Variants in SLC4A10 observed in about 807,000 individuals in gnomAD.
The protein encoded by SLC4A10 is solute carrier family 4 member 10, also known as sodium-driven chloride bicarbonate exchanger.
Under a neutral mutation model 137.7 loss-of-function variants are expected in SLC4A10, and 42 were observed. The ratio of observed to expected loss-of-function variants is 0.30; its 90% CI spans 0.24 to 0.39. The LOEUF (loss-of-function observed/expected upper bound fraction) is 0.39, where lower values mean the gene tolerates loss of function less well. Among genes scored for constraint, SLC4A10 ranks in the 10% least tolerant of loss-of-function variants. The pLI is 1.00. For missense variants in SLC4A10, 925 were observed against 1,355.0 expected (o/e 0.68, Z 4.98); for synonymous variants, 474 against 464.1 (o/e 1.02, Z -0.27).
At chr2:161,690,416 C>T (rs2041861392) in intron 1 of SLC4A10, among the ~76,000 whole-genome samples, 2 of 152,208 alleles carry the variant, frequency 1.3e-5, no homozygotes, top group Non-Finnish European at 2.9e-5. Context: ...ACCAGAAATG[C>T]CATTTGACCC....
In SLC4A10 at chr2:161,947,604, C is replaced by T; in HGVS notation, c.2142C>T (p.Ala714=). The T allele has an allele frequency of 6.2e-7, 1 of 1,613,164 alleles. No individual in the cohort carries two copies. The highest frequency in any genetic ancestry group is 1.1e-5 in the South Asian group (1 of 91,048). Residue 714 remains alanine, a synonymous_variant, in exon 17 of 27, where the codon GCC becomes GCT. Coordinates refer to ENST00000446997, the MANE Select transcript of SLC4A10 (RefSeq NM_001178015.2). ...TGCATGGAGAGTATGTTGGACGGGCCTGTGGCCATGATCACCCATATGTTC... is the reference window on the plus strand; with the variant it reads ...TGCATGGAGAGTATGTTGGACGGGCTTGTGGCCATGATCACCCATATGTTC... ...KSLHGEYVGR[A]CGHDHPYVPD...
At position 161,837,155 on chromosome 2, in the gene SLC4A10, A is replaced by G. The variant is rs538121024; in HGVS notation, c.278-2634A>G. ...TAAATAGAGAAAGAGCTTGGAAAGGAAAAAATAAAATGGTTCATATTCACA... is the reference window on the plus strand; with the variant it reads ...TAAATAGAGAAAGAGCTTGGAAAGGGAAAAATAAAATGGTTCATATTCACA... On this transcript the variant is annotated intron_variant, in intron 3 of 26. Transcript: ENST00000446997. 2.6e-5 allele frequency among the ~76,000 whole-genome samples: 4 copies of G among 152,312 alleles called. No individual in the cohort carries two copies. The East Asian group carries it at 7.7e-4, about 29-fold the overall frequency.
intron 2 of SLC4A10, among the ~76,000 whole-genome samples, chr2:161,790,907 C>A (rs1167698890): frequency 6.6e-6 from 1 of 151,994 alleles, no homozygotes; most frequent in Admixed American, 6.6e-5. Flanking sequence ...CAAATCAAAA[C>A]CTCAATAAGA....
intron 7 of SLC4A10, among the ~76,000 whole-genome samples, chr2:161,873,289 C>A (rs951864240): frequency 6.6e-6 from 1 of 151,964 alleles, no homozygotes; most frequent in Non-Finnish European, 1.5e-5. Flanking sequence ...GAGTCAGTGA[C>A]AATGATGTGA....
intron 5 of SLC4A10, among the ~76,000 whole-genome samples, chr2:161,855,786 A>G (rs1023267032): frequency 1.3e-5 from 2 of 152,126 alleles, no homozygotes; most frequent in African/African-American, 4.8e-5. Context: ...TAATACAAAA[A>G]GACAGAAATG....
chr2:161,947,518 T>G, intron 16 of SLC4A10, 48 bp from the exon 17 acceptor site: 2 of 1,575,130 alleles, frequency 1.3e-6, no homozygotes, highest in South Asian at 2.3e-5. Flanking sequence ...GCAAGAAATG[T>G]GTCCGGTTTT....
intron 15 of SLC4A10, among the ~76,000 whole-genome samples, chr2:161,917,832 G>A (rs1465056270): frequency 2.0e-5 from 3 of 152,138 alleles, no homozygotes; most frequent in African/African-American, 7.2e-5. Flanking sequence ...ACAGTGCCCA[G>A]ATCAATTCCT....
At chr2:161,678,060 T>C (rs1574291545) in intron 1 of SLC4A10, among the ~76,000 whole-genome samples, 1 of 152,140 alleles carries the variant, frequency 6.6e-6, no homozygotes, top group Admixed American at 6.6e-5. Flanking sequence ...TTTTCTTGCT[T>C]TTATCTTTTT....
chr2:161,973,629 A>G (rs1024560139), intron 23 of SLC4A10, among the ~76,000 whole-genome samples: 5 of 152,318 alleles, frequency 3.3e-5, no homozygotes, highest in Admixed American at 6.5e-5. Context: ...CCATACAGGA[A>G]GATATTAATA....
At chr2:161,758,797 C>G (rs916476344) in intron 1 of SLC4A10, among the ~76,000 whole-genome samples, 1 of 151,932 alleles carries the variant, frequency 6.6e-6, no homozygotes. Context: ...TGTCTCCTAC[C>G]AGTCCATAGT....
intron 8 of SLC4A10, among the ~76,000 whole-genome samples, chr2:161,877,627 C>A (rs1408624057): frequency 6.6e-6 from 1 of 151,810 alleles, no homozygotes; most frequent in Non-Finnish European, 1.5e-5. Flanking sequence ...TAAATAAATA[C>A]TTTTGCTATC....
intron 1 of SLC4A10, among the ~76,000 whole-genome samples, chr2:161,769,589 G>C (rs961421): frequency 0.081 from 12,337 of 151,916 alleles, 641 homozygotes; most frequent in East Asian, 0.14. Context: ...GTTCCCCTCA[G>C]AAGGTTACCA....
intron 1 of SLC4A10, among the ~76,000 whole-genome samples, chr2:161,720,988 C>G (rs903958052): frequency 6.6e-6 from 1 of 152,052 alleles, no homozygotes; most frequent in Non-Finnish European, 1.5e-5. Context: ...GACACCACGC[C>G]CAGCTAATTT....
intron 1 of SLC4A10, among the ~76,000 whole-genome samples, chr2:161,685,733 CTT>C (rs796636529): frequency 5.3e-4 from 80 of 152,166 alleles, no homozygotes; most frequent in African/African-American, 1.7e-3. Context: ...AGTTCAAGCA[CTT>C]TGACTTAACT....
Position 161,964,280 on chromosome 2 carries a change from C to A in SLC4A10, c.3008C>A (p.Ser1003Ter). The stretch of plus-strand genomic sequence containing the variant: ...GGCCTTTTGTGGATAATAAAAGTTT[C>A]AAGAGCTGCTATTGTCTTTCCCATG... ...CLGLLWIIKV[S>*]RAAIVFPMMV... is the part of the protein sequence containing the mutation. Residue 1003 changes from serine (S) to a stop codon, truncating the protein, a stop_gained, in exon 22 of 27, where the codon TCA (serine) becomes TAA (stop). Transcript: ENST00000446997. LOFTEE classifies it high-confidence loss of function. The A allele has an allele frequency of 6.2e-7, 1 of 1,613,476 alleles. No individual in the cohort carries two copies. Among genetic ancestry groups the A allele is most frequent in the South Asian group, 1.1e-5 (1 of 91,030 alleles).
At position 161,933,362 on chromosome 2, in the gene SLC4A10, C is replaced by G. The variant is rs562177425; in HGVS notation, c.1998-9430C>G. On this transcript the variant is annotated intron_variant, in intron 15 of 26. Transcript: ENST00000446997. ...TTTCTATTCTTTTCTTTCTCTTTCT[C>G]TCTCTTTCTCTCTTTGTTTCTCCCT... is the stretch of plus-strand genomic sequence containing the variant. 2.7e-5 allele frequency among the ~76,000 whole-genome samples: 4 copies of G among 145,732 alleles called. No homozygotes were observed. The South Asian group carries it at 8.8e-4, about 32-fold the overall frequency.
intron 1 of SLC4A10, among the ~76,000 whole-genome samples, chr2:161,630,976 A>T (rs2033439395): frequency 6.6e-6 from 1 of 151,808 alleles, no homozygotes; most frequent in African/African-American, 2.4e-5. Flanking sequence ...ACGAGCTTTC[A>T]CATCTTCCCC....
Position 161,871,960 on chromosome 2 carries a change from C to A in SLC4A10, c.767-333C>A, listed in dbSNP as rs186806126. Among the ~76,000 whole-genome samples the A allele has an allele frequency of 4.6e-5, 7 of 152,118 alleles. No individual in the cohort carries two copies. In the East Asian group the frequency reaches 5.8e-4, roughly 13 times the overall value. On this transcript the variant is annotated intron_variant, in intron 6 of 26. Transcript: ENST00000446997. ...GATGTCTATCTTGTCTTTTTATATACGCCATTAGTTTTGGTTGGAATCTAG... is the reference window on the plus strand; with the variant it reads ...GATGTCTATCTTGTCTTTTTATATAAGCCATTAGTTTTGGTTGGAATCTAG...
intron 4 of SLC4A10, 84 bp from the exon 5 acceptor site, chr2:161,854,886 C>G (rs554118395): frequency 2.3e-6 from 3 of 1,315,096 alleles, no homozygotes; most frequent in South Asian, 2.0e-5. Flanking sequence ...GACTATTTTT[C>G]TATTTCAACC....
Sources: allele counts gnomAD v4.1 joint callset (sites outside exome capture counted in the v4.1 genomes callset), GRCh38; gene constraint gnomAD v4.1.1; transcripts MANE v1.5; gene names NCBI Gene and HGNC (gene_info 2026-07-23, HGNC 2026-07-21).